KIF18A: variants seen among roughly 807,000 people sequenced by gnomAD.
KIF18A encodes the protein kinesin-like protein KIF18A.
In KIF18A, 67 loss-of-function variants were observed where a neutral mutation model predicts 103.3. That is an observed-to-expected ratio of 0.65 (90% CI 0.53 to 0.79). The LOEUF is 0.79. Ranked by LOEUF, KIF18A falls within the 30% of genes least tolerant of loss-of-function variation. The pLI is 0.00. For missense variants in KIF18A, 1,032 were observed against 1,062.5 expected (o/e 0.97, Z 0.40); for synonymous variants, 367 against 355.5 (o/e 1.03, Z -0.36).
chr11:28,086,940 T>C (rs1031220526), intron 6 of KIF18A, among the ~76,000 whole-genome samples: 3 of 152,190 alleles, frequency 2.0e-5, no homozygotes, highest in Admixed American at 2.0e-4. Context: ...CATCTTGCTT[T>C]TGCAATCTTC....
At chr11:28,025,634 C>A (rs1017824198) in intron 15 of KIF18A, among the ~76,000 whole-genome samples, 2 of 151,812 alleles carry the variant, frequency 1.3e-5, no homozygotes, top group African/African-American at 4.8e-5. Flanking sequence ...GTAAAATATA[C>A]CCAAACATGT....
Position 28,088,505 on chromosome 11 carries a change from A to G in KIF18A, c.897+19T>C. On this transcript the variant is annotated intron_variant, in intron 6 of 16. Transcript: ENST00000263181. ...TTCAATATTTCAAACTATTTAACAA[A>G]TAAACATATAATGCCTACCTTTGAA... is the stretch of plus-strand genomic sequence containing the variant. The G allele has an allele frequency of 6.3e-7, 1 of 1,588,020 alleles. No individual in the cohort carries two copies. The highest frequency in any genetic ancestry group is 8.6e-7 in the Non-Finnish European group (1 of 1,157,296).
chr11:28,074,520 C>T (rs921360951), intron 10 of KIF18A, among the ~76,000 whole-genome samples: 3 of 152,058 alleles, frequency 2.0e-5, no homozygotes, highest in African/African-American at 7.2e-5. Context: ...ATAAAAAGCA[C>T]ACACTCAATA....
chr11:28,091,149 A>AATAAATAC (rs1554974428), intron 4 of KIF18A, among the ~76,000 whole-genome samples: 2 of 131,902 alleles, frequency 1.5e-5, no homozygotes, highest in African/African-American at 6.1e-5. Flanking sequence ...TAAATAAATA[A>AATAAATAC]ATACATACAT....
intron 6 of KIF18A, among the ~76,000 whole-genome samples, chr11:28,085,976 A>G (rs1333608200): frequency 6.6e-6 from 1 of 152,200 alleles, no homozygotes; most frequent in African/African-American, 2.4e-5. Context: ...ATATTTAAAA[A>G]TATCTGCATC....
chr11:28,058,270 T>C (rs1850807651), intron 13 of KIF18A, among the ~76,000 whole-genome samples: 1 of 151,774 alleles, frequency 6.6e-6, no homozygotes. Flanking sequence ...ATTATTATCA[T>C]AAAATATGAT....
intron 13 of KIF18A, among the ~76,000 whole-genome samples, chr11:28,040,967 A>G (rs1850551525): frequency 6.6e-6 from 1 of 151,790 alleles, no homozygotes; most frequent in South Asian, 2.1e-4. Flanking sequence ...AATTTAAAAG[A>G]AAAAAATCAC....
intron 13 of KIF18A, among the ~76,000 whole-genome samples, chr11:28,038,992 T>C (rs943917875): frequency 6.6e-6 from 1 of 151,612 alleles, no homozygotes; most frequent in African/African-American, 2.4e-5. Flanking sequence ...GTATAGGGGA[T>C]AGAAAACTAC....
Position 28,081,937 on chromosome 11 carries a change from A to G in KIF18A, c.1262+919T>C, listed in dbSNP as rs192615976. ...TTGGAGGAAGTAGATTCCAATCCTC[A>G]TGGATAACTATGAGGGGTTCAAGAT... On this transcript the variant is annotated intron_variant, in intron 9 of 16. Transcript: ENST00000263181. Among the ~76,000 whole-genome samples, 137 of 152,254 alleles carry G rather than the reference A, an allele frequency of 9.0e-4. 1 individual carries two copies. Among genetic ancestry groups the G allele is most frequent in the African/African-American group, 3.3e-3 (136 of 41,562 alleles).
chr11:28,033,411 A>G (rs1009436992), intron 15 of KIF18A, among the ~76,000 whole-genome samples: 3 of 151,682 alleles, frequency 2.0e-5, no homozygotes, highest in East Asian at 1.9e-4. Context: ...CTGCACTACC[A>G]TGTTTATTGC....
chr11:28,035,356 C>T (rs187431802), intron 15 of KIF18A, 31 bp downstream of exon 15: 16 of 1,271,734 alleles, frequency 1.3e-5, no homozygotes, highest in African/African-American at 9.0e-5. Flanking sequence ...TATATAACTA[C>T]AGAACCAAAC....
At chr11:28,079,920 T>G (rs1851143571) in intron 9 of KIF18A, among the ~76,000 whole-genome samples, 1 of 152,130 alleles carries the variant, frequency 6.6e-6, no homozygotes, top group African/African-American at 2.4e-5. Context: ...CTAACTGCTT[T>G]CTTTTTAAAA....
chr11:28,048,180 T>C (rs968287888), intron 13 of KIF18A, among the ~76,000 whole-genome samples: 1 of 152,130 alleles, frequency 6.6e-6, no homozygotes. Flanking sequence ...ACACTTATAA[T>C]AGTTCTGGGG....
chr11:28,062,688 C>A (rs1169545059), intron 11 of KIF18A, among the ~76,000 whole-genome samples, 172 bp from the exon 12 acceptor site: 1 of 151,984 alleles, frequency 6.6e-6, no homozygotes, highest in Non-Finnish European at 1.5e-5. Flanking sequence ...CTATAATTTA[C>A]AAGCAAGATA....
chr11:28,044,333 T>C (rs962741442), intron 13 of KIF18A, among the ~76,000 whole-genome samples: 6 of 152,070 alleles, frequency 3.9e-5, no homozygotes, highest in African/African-American at 1.4e-4. Context: ...AAGTTCTTTG[T>C]AAATGAAACA....
chr11:28,089,735 A>G (rs1158032653), intron 5 of KIF18A, among the ~76,000 whole-genome samples: 1 of 152,228 alleles, frequency 6.6e-6, no homozygotes, highest in African/African-American at 2.4e-5. Flanking sequence ...AGTAAAGCAT[A>G]ATTTATTCAA....
rs151125849 is a variant in KIF18A at position 28,084,655 on chromosome 11, G to C, written c.1051C>G (p.Arg351Gly). The C allele has an allele frequency of 4.3e-6, 7 of 1,610,968 alleles. No individual in the cohort carries two copies. Among genetic ancestry groups the C allele is most frequent in the Non-Finnish European group, 5.9e-6 (7 of 1,177,848 alleles). ...DTYNTLKYAN[R>G]AKDIKSSLKS... ...ACAGAAGATTTAATGTCCTTTGCCC[G>C]GTTAGCATACTTAAGAGTGTTATAT... is the stretch of plus-strand genomic sequence containing the variant. The change falls in exon 7 of 17, where the codon CGG becomes GGG. Residue 351 changes from arginine to glycine, a missense_variant. By Grantham distance (125) the Arg-to-Gly change is moderately radical. Transcript: ENST00000263181.
At chr11:28,092,951 A>G (rs1381003448) in intron 3 of KIF18A, among the ~76,000 whole-genome samples, 1 of 152,194 alleles carries the variant, frequency 6.6e-6, no homozygotes, top group African/African-American at 2.4e-5. Context: ...TGGTCTATGT[A>G]TGACACTCAC....
chr11:28,039,294 A>G (rs1850530688), intron 13 of KIF18A, among the ~76,000 whole-genome samples: 2 of 151,752 alleles, frequency 1.3e-5, no homozygotes, highest in South Asian at 4.1e-4. Flanking sequence ...CTAAAACAAT[A>G]TATTTCAAAC....
Sources: allele counts gnomAD v4.1 joint callset (sites outside exome capture counted in the v4.1 genomes callset), GRCh38; gene constraint gnomAD v4.1.1; transcripts MANE v1.5; gene names NCBI Gene and HGNC (gene_info 2026-07-23, HGNC 2026-07-21).